The following BUD23 variants were observed in gnomAD, a reference collection of about 807,000 sequenced individuals.
The protein encoded by BUD23 is 18S rRNA (guanine-N(7))-methyltransferase.
Under a neutral mutation model 47.0 loss-of-function variants are expected in BUD23, and 34 were observed. The observed-to-expected ratio is 0.72, with a 90% confidence interval of 0.55 to 0.96. BUD23 has a LOEUF of 0.96. BUD23 is among the 40% of genes least tolerant of loss of function. The pLI is 0.00. For missense variants in BUD23, 343 were observed against 361.2 expected (o/e 0.95, Z 0.41); for synonymous variants, 124 against 132.0 (o/e 0.94, Z 0.41).
At chr7:73,695,370 G>C (rs888277607) in intron 10 of BUD23, 1 of 151,646 alleles carries the variant, frequency 6.6e-6, no homozygotes, top group Admixed American at 6.6e-5. Flanking sequence ...CGATTCTCTT[G>C]CGTCAGCCTC....
intron 2 of BUD23, among the ~76,000 whole-genome samples, chr7:73,685,785 T>A (rs1399231135): frequency 2.6e-5 from 4 of 151,898 alleles, no homozygotes; most frequent in Non-Finnish European, 5.9e-5. Context: ...TTATTAAATA[T>A]ATGGGGTTAA....
intron 9 of BUD23, 26 bp downstream of exon 9, chr7:73,693,695 G>C (rs547845162): frequency 1.9e-6 from 3 of 1,614,072 alleles, no homozygotes; most frequent in Non-Finnish European, 2.5e-6. Flanking sequence ...TTTGCAGGCA[G>C]GCCTGTGTCT....
Position 73,683,646 on chromosome 7 carries a change from T to G in BUD23, c.21T>G (p.Arg7=). 1.2e-6 allele frequency: 2 copies of G among 1,612,432 alleles called. No homozygotes were observed. Among genetic ancestry groups the G allele is most frequent in the Non-Finnish European group, 1.7e-6 (2 of 1,179,588 alleles). MASRGR[R]PEHGGPPELF... ...TGAGAATGGCGTCCCGCGGCCGGCGTCCGGAGCATGGCGGACCCCCAGAGC... is the reference window on the plus strand; with the variant it reads ...TGAGAATGGCGTCCCGCGGCCGGCGGCCGGAGCATGGCGGACCCCCAGAGC... The change falls in exon 1 of 12, where the codon CGT becomes CGG. Residue 7 remains arginine, a synonymous_variant. Coordinates refer to ENST00000265758, the MANE Select transcript of BUD23 (RefSeq NM_017528.5).
At chr7:73,686,549 CT>C (rs1167161615) in intron 2 of BUD23, 86 bp from the exon 3 acceptor site, 58 of 1,222,740 alleles carry the variant, frequency 4.7e-5, no homozygotes, top group Non-Finnish European at 5.9e-5. Context: ...TTTAACTTGG[CT>C]TTTTTTTGTT....
chr7:73,693,606 T>G lies in BUD23; in HGVS notation c.597-18T>G, dbSNP rs370254919. The G allele has an allele frequency of 4.0e-5, 64 of 1,614,182 alleles. No individual in the cohort carries two copies. The African/African-American group carries it at 7.9e-4, about 20-fold the overall frequency. On this transcript the variant is annotated intron_variant, in intron 8 of 11. Transcript: ENST00000265758. Reference sequence around the variant, plus strand: ...GGCTTTCTCCACCCAACCCTCACTTTGCACTTTCTCCTTTCAGATTCTACC... The same window carrying G: ...GGCTTTCTCCACCCAACCCTCACTTGGCACTTTCTCCTTTCAGATTCTACC...
chr7:73,694,376 GT>G (rs2116701828), intron 10 of BUD23: 1 of 280,740 alleles, frequency 3.6e-6, no homozygotes, highest in South Asian at 7.0e-5. Flanking sequence ...CTTGGGTGCT[GT>G]GGCTCTCCCT....
chr7:73,694,183 A>G (rs1056021680), intron 10 of BUD23, 133 bp downstream of exon 10: 13 of 945,802 alleles, frequency 1.4e-5, no homozygotes, highest in Non-Finnish European at 2.0e-5. Context: ...CGGTAGAAAC[A>G]TCAGGTCCCA....
chr7:73,693,685 T>C lies in BUD23; in HGVS notation c.642+16T>C. The C allele has an allele frequency of 6.2e-7, 1 of 1,614,164 alleles. No homozygotes were observed. Among genetic ancestry groups the C allele is most frequent in the Non-Finnish European group, 8.5e-7 (1 of 1,180,002 alleles). On this transcript the variant is annotated intron_variant, in intron 9 of 11. Transcript: ENST00000265758. ...TATACCAGAGGTGAGGGACACTGGG[T>C]TTGCAGGCAGGCCTGTGTCTTTTGA...
rs782018815 is a variant in BUD23, at chr7:73,697,513, G to A, written c.702-92G>A. 2.1e-5 allele frequency: 33 copies of A among 1,599,996 alleles called. No individual in the cohort carries two copies. The highest frequency in any genetic ancestry group is 1.4e-4 in the Admixed American group (8 of 57,452). ...AGGGGCATCCGAGGCCACCAGACTC[G>A]GAGGTAAGCTTGCCATGGATTCACA... On this transcript the variant is annotated intron_variant, in intron 10 of 11. Transcript: ENST00000265758.
chr7:73,697,633 A>G lies in BUD23; in HGVS notation c.730A>G (p.Met244Val), dbSNP rs141940714. ...CCCATTAAGGATGTCGAGGCGGGGA[A>G]TGGTGAGGAAGAGTCGGGCATGGGT... ...RFPLRMSRRG[M>V]VRKSRAWVLE... The change falls in exon 11 of 12, where the codon ATG becomes GTG. Residue 244 changes from methionine to valine, a missense_variant. Physicochemically the swap from Met to Val is conservative, Grantham distance 21 (BLOSUM62 1). Transcript: ENST00000265758. 1.2e-5 allele frequency: 19 copies of G among 1,612,158 alleles called. No homozygotes were observed. The highest frequency in any genetic ancestry group is 1.7e-5 in the Admixed American group (1 of 59,980).
intron 2 of BUD23, among the ~76,000 whole-genome samples, chr7:73,685,590 T>C (rs1394308285): frequency 6.6e-6 from 1 of 152,092 alleles, no homozygotes; most frequent in Non-Finnish European, 1.5e-5. Flanking sequence ...AATTTTTTTG[T>C]GGAGAGGGAG....
Position 73,697,498 on chromosome 7 carries a change from G to A in BUD23, c.702-107G>A, listed in dbSNP as rs537305579. 4.0e-4 allele frequency: 637 copies of A among 1,582,612 alleles called. No homozygotes were observed. The highest frequency in any genetic ancestry group is 8.6e-4 in the Admixed American group (47 of 54,582). Reference sequence around the variant, plus strand: ...GGAGCATTTGAGAGAAGGGGCATCCGAGGCCACCAGACTCGGAGGTAAGCT... The same window carrying A: ...GGAGCATTTGAGAGAAGGGGCATCCAAGGCCACCAGACTCGGAGGTAAGCT... On this transcript the variant is annotated intron_variant, in intron 10 of 11. Transcript: ENST00000265758.
rs782552607 is a variant in BUD23 at position 73,686,940 on chromosome 7, A to T, written c.265+40A>T. 4 of 1,612,632 alleles carry T rather than the reference A, an allele frequency of 2.5e-6. No individual in the cohort carries two copies. The South Asian group carries it at 4.4e-5, about 18-fold the overall frequency. On this transcript the variant is annotated intron_variant, in intron 4 of 11. Transcript: ENST00000265758. ...TCTGGCACCAGGGTGGATTACCCTG[A>T]TGGGTGTGGAGAAGCCACAGGTATT... is the stretch of plus-strand genomic sequence containing the variant.
chr7:73,688,395 G>A (rs1228792011), intron 5 of BUD23, among the ~76,000 whole-genome samples: 3 of 152,126 alleles, frequency 2.0e-5, no homozygotes, highest in South Asian at 2.1e-4. Flanking sequence ...TTGCATTGCC[G>A]GGTTCGGGCA....
chr7:73,683,991 C>A, intron 2 of BUD23, 187 bp downstream of exon 2: 1 of 1,472,742 alleles, frequency 6.8e-7, no homozygotes, highest in South Asian at 1.4e-5. Flanking sequence ...CTCGGTACCT[C>A]AGCGTTGAGG....
chr7:73,690,281 G>A (rs565682199), intron 5 of BUD23, among the ~76,000 whole-genome samples: 7 of 152,230 alleles, frequency 4.6e-5, no homozygotes, highest in African/African-American at 1.2e-4. Flanking sequence ...CTGGGATTAC[G>A]GGTATGAGCC....
rs1554614503 is a variant in BUD23 at position 73,694,029 on chromosome 7, A to G, written c.680A>G (p.Glu227Gly). The change falls in exon 10 of 12, where the codon GAG becomes GGG. Residue 227 changes from glutamate (E) to glycine (G), a missense_variant. Physicochemically the swap from Glu to Gly is moderately conservative, Grantham distance 98. Coordinates refer to ENST00000265758, the MANE Select transcript of BUD23 (RefSeq NM_017528.5). Reference sequence around the variant, plus strand: ...AATCAGGATGAAGTTGAACCCAGGGAGTCTGTGTTCACCAATGAGAGGTAA... The same window carrying G: ...AATCAGGATGAAGTTGAACCCAGGGGGTCTGTGTTCACCAATGAGAGGTAA... ...SENQDEVEPRESVFTNERFPL... is the reference protein window; with the variant it reads ...SENQDEVEPRGSVFTNERFPL... 6.2e-7 allele frequency: 1 copy of G among 1,611,436 alleles called. No individual in the cohort carries two copies. Among genetic ancestry groups the G allele is most frequent in the Admixed American group, 1.7e-5 (1 of 58,784 alleles).
intron 5 of BUD23, among the ~76,000 whole-genome samples, chr7:73,690,147 G>A (rs137996219): frequency 6.6e-6 from 1 of 152,284 alleles, no homozygotes; most frequent in East Asian, 1.9e-4. Flanking sequence ...TGGTATTCAA[G>A]GCACATGCCA....
At chr7:73,686,098 C>CAA (rs35703206) in intron 2 of BUD23, among the ~76,000 whole-genome samples, 86 of 143,496 alleles carry the variant, frequency 6.0e-4, no homozygotes, top group Non-Finnish European at 8.4e-4. Flanking sequence ...GACTCCGTCT[C>CAA]AAAAAAAAAA....
Sources: gnomAD v4.1 joint callset for allele counts (sites outside exome capture counted in the v4.1 genomes callset) on GRCh38, gnomAD v4.1.1 for gene constraint, MANE v1.5 for transcripts, NCBI Gene and HGNC (gene_info 2026-07-23, HGNC 2026-07-21) for gene names.